Variants in SORBS2 observed in about 807,000 individuals in gnomAD.
SORBS2 encodes the protein sorbin and SH3 domain-containing protein 2.
SORBS2 carries 46 observed loss-of-function variants against 97.7 expected under a neutral mutation model. That is an observed-to-expected ratio of 0.47 (90% CI 0.37 to 0.60). SORBS2 has a LOEUF of 0.60. Among genes scored for constraint, SORBS2 ranks in the 20% least tolerant of loss-of-function variants. The probability of loss-of-function intolerance (pLI) is 0.00; values close to 1 mark genes in which losing one functional copy is unlikely to be tolerated. For missense variants in SORBS2, 1,316 were observed against 1,282.3 expected (o/e 1.03, Z -0.40); for synonymous variants, 476 against 473.4 (o/e 1.01, Z -0.07).
In SORBS2 at chr4:185,606,167, C is replaced by T. The variant is rs545506381; in HGVS notation, c.2796+5613G>A. The stretch of plus-strand genomic sequence containing the variant: ...TCCTGGAATAGGACAAATTTCTGGG[C>T]ATCAACTTCCTCTTCTCTAAAGTGG... On this transcript the variant is annotated intron_variant, in intron 12 of 14. Coordinates refer to ENST00000418609, the Ensembl canonical transcript of SORBS2. This position sits in a 1 kb window ranked among gnomAD's most constrained non-coding sequence, Gnocchi z 4.3. 2.0e-6 allele frequency: 2 copies of T among 985,324 alleles called. No homozygotes were observed. The highest frequency in any genetic ancestry group is 1.7e-5 in the African/African-American group (1 of 57,354). 61.0% of individuals were successfully genotyped at this position (985,324 alleles called of 1,614,324 possible).
chr4:185,797,106 C>T (rs2099108292), intron 1 of SORBS2, among the ~76,000 whole-genome samples: 1 of 152,248 alleles, frequency 6.6e-6, no homozygotes, highest in Non-Finnish European at 1.5e-5. Context: ...CCAGATTTCC[C>T]TCACTCTATG....
chr4:185,635,756 G>T (rs1184947378), intron 4 of SORBS2, among the ~76,000 whole-genome samples: 1 of 152,220 alleles, frequency 6.6e-6, no homozygotes, highest in Non-Finnish European at 1.5e-5. Flanking sequence ...TAGCATGCTG[G>T]TGAGTTTCCA....
In SORBS2 at chr4:185,684,924, T is replaced by A; in HGVS notation, c.-197-6102A>T. The A allele has an allele frequency of 9.4e-7, 1 of 1,068,744 alleles. No homozygotes were observed. Among genetic ancestry groups the A allele is most frequent in the Non-Finnish European group, 1.4e-6 (1 of 715,296 alleles). The allele number at this position is 1,068,744 out of a possible 1,614,324, so 66.2% of individuals were successfully genotyped here. A position where few individuals can be genotyped will look rare whatever the true frequency, so the allele number is the denominator to read the frequency against. On this transcript the variant is annotated intron_variant, in intron 2 of 20. Transcript: ENST00000284776. The surrounding 1 kb of genome is among the most constrained non-coding windows in gnomAD (Gnocchi z 4.2). Reference sequence around the variant, plus strand: ...GCAATATCATGCGTTTTAAGAGAAATGTGCCAGACATCCATGAGAAAGATG... The same window carrying A: ...GCAATATCATGCGTTTTAAGAGAAAAGTGCCAGACATCCATGAGAAAGATG...
chr4:185,659,491 A>C (rs71624711), upstream of SORBS2, among the ~76,000 whole-genome samples: 24,295 of 151,026 alleles, frequency 0.16, 2,080 homozygotes, highest in East Asian at 0.25. Flanking sequence ...ATCTCGGCTC[A>C]CTGCAAGCTC....
At chr4:185,937,489 T>G (rs1437033456) in intron 1 of SORBS2, among the ~76,000 whole-genome samples, 2 of 152,234 alleles carry the variant, frequency 1.3e-5, no homozygotes, top group African/African-American at 4.8e-5. Flanking sequence ...ACTAAAGTGC[T>G]TAACTTCAGA....
exon 7 of SORBS2, chr4:185,624,451 T>C: frequency 6.2e-7 from 1 of 1,613,444 alleles, no homozygotes; most frequent in Non-Finnish European, 8.5e-7. Context: ...CGTTGAGCCC[T>C]GAGTAACTGC....
intron 2 of SORBS2, 27 bp from the exon 12 acceptor site, chr4:185,649,683 C>CA (rs2097277776): frequency 7.5e-7 from 1 of 1,328,278 alleles, no homozygotes; most frequent in Non-Finnish European, 9.8e-7. Context: ...CAAAAGCAGA[C>CA]AAAAAACAGA....
chr4:185,605,595 T>G (rs996878475), intron 12 of SORBS2, among the ~76,000 whole-genome samples: 22 of 151,926 alleles, frequency 1.4e-4, no homozygotes, highest in African/African-American at 5.3e-4. Flanking sequence ...AAGTTTCTCT[T>G]TTTTTTTGAG....
chr4:185,707,450 A>G (rs567324821), intron 2 of SORBS2, among the ~76,000 whole-genome samples: 3 of 152,190 alleles, frequency 2.0e-5, no homozygotes, highest in Non-Finnish European at 4.4e-5. Flanking sequence ...CCCTGTAATG[A>G]GCAATATTGG....
chr4:185,778,193 G>T (rs1225654161), intron 1 of SORBS2, among the ~76,000 whole-genome samples: 1 of 152,008 alleles, frequency 6.6e-6, no homozygotes, highest in African/African-American at 2.4e-5. Context: ...ATTTCTACTG[G>T]GCAGTGCCAT....
chr4:185,656,093 A>T (rs1372795334), intron 1 of SORBS2, among the ~76,000 whole-genome samples: 2 of 152,236 alleles, frequency 1.3e-5, no homozygotes, highest in Non-Finnish European at 2.9e-5. Flanking sequence ...AGAAAACATC[A>T]TCACCAGAAA....
At chr4:185,714,313 T>C (rs2098447337) in intron 2 of SORBS2, among the ~76,000 whole-genome samples, 1 of 152,254 alleles carries the variant, frequency 6.6e-6, no homozygotes. Flanking sequence ...GTCATCCCAT[T>C]GCTCCCTCAG....
exon 6 of SORBS2, chr4:185,627,003 T>A: frequency 6.2e-7 from 1 of 1,614,156 alleles, no homozygotes; most frequent in Non-Finnish European, 8.5e-7. Context: ...CTGAAGTCAC[T>A]GGCCATGCTT....
Position 185,623,887 on chromosome 4 carries a change from G to C in SORBS2, c.1242C>G (p.Ile414Met), listed in dbSNP as rs146483385. ...TCTGGATCAGCTTTTCGAATTCGGA[G>C]ATGCGTGTGGGCACCATGTCCCGGG... Residue 414 changes from isoleucine (I) to methionine (M), a missense_variant, in exon 7 of 15, where the codon ATC (isoleucine) becomes ATG (methionine). By Grantham distance (10) the Ile-to-Met change is conservative. Transcript: ENST00000418609. This position sits in a 1 kb window ranked among gnomAD's most constrained non-coding sequence, Gnocchi z 6.4. The C allele has an allele frequency of 1.2e-6, 2 of 1,614,028 alleles. No homozygotes were observed. The highest frequency in any genetic ancestry group is 3.3e-5 in the Admixed American group (2 of 60,002).
chr4:185,600,799 A>T (rs1228356172), intron 12 of SORBS2, among the ~76,000 whole-genome samples: 1 of 150,510 alleles, frequency 6.6e-6, no homozygotes, highest in African/African-American at 2.5e-5. Context: ...CATTTGTTGG[A>T]GGCAAAATTT....
At chr4:185,757,856 T>A (rs983818225) in intron 2 of SORBS2, among the ~76,000 whole-genome samples, 1 of 152,246 alleles carries the variant, frequency 6.6e-6, no homozygotes, top group Non-Finnish European at 1.5e-5. Flanking sequence ...CTGTAAAATT[T>A]AAAAATGAGA....
chr4:185,766,120 T>C (rs547668023), intron 2 of SORBS2, among the ~76,000 whole-genome samples: 5 of 152,350 alleles, frequency 3.3e-5, no homozygotes, highest in Middle Eastern at 3.4e-3. Context: ...AACCATTTTC[T>C]ACTTCAGAAT....
chr4:185,783,651 G>A (rs912495013), intron 1 of SORBS2, among the ~76,000 whole-genome samples: 3 of 152,140 alleles, frequency 2.0e-5, no homozygotes, highest in African/African-American at 4.8e-5. Context: ...TCAGACCCTC[G>A]GGGTAAGCAG....
At chr4:185,925,402 A>G (rs2099263112) in intron 1 of SORBS2, among the ~76,000 whole-genome samples, 1 of 145,544 alleles carries the variant, frequency 6.9e-6, no homozygotes, top group Non-Finnish European at 1.6e-5. Flanking sequence ...ATTTTACAAA[A>G]TAGCACATTT....
Sources: gnomAD v4.1 joint callset for allele counts (sites outside exome capture counted in the v4.1 genomes callset) on GRCh38, gnomAD v4.1.1 for gene constraint, Gnocchi (gnomAD v3.1) non-coding constraint, MANE v1.5 for transcripts, NCBI Gene and HGNC (gene_info 2026-07-23, HGNC 2026-07-21) for gene names.